Variants in KALRN observed in about 807,000 individuals in gnomAD.
KALRN encodes the protein kalirin RhoGEF kinase, also known as kalirin.
In KALRN, 70 loss-of-function variants were observed where a neutral mutation model predicts 353.7. That is an observed-to-expected ratio of 0.20 (90% CI 0.16 to 0.24). The LOEUF (loss-of-function observed/expected upper bound fraction) is 0.24. Ranked by LOEUF, KALRN falls within the 10% of genes least tolerant of loss-of-function variation. KALRN has a pLI of 1.00. For synonymous variants in KALRN, 1,391 were observed against 1,434.8 expected, an observed-to-expected ratio of 0.97 and a Z score of 0.69; for missense variants, 2,791 against 3,756.7, an observed-to-expected ratio of 0.74 and a Z score of 6.72.
At position 124,456,735 on chromosome 3, in the gene KALRN, G is replaced by C; in HGVS notation, c.3854+7G>C. 6.2e-7 allele frequency: 1 copy of C among 1,601,504 alleles called. No homozygotes were observed. On this transcript the variant is annotated splice_region_variant and intron_variant, in intron 23 of 59. Coordinates refer to ENST00000682506, the MANE Select transcript of KALRN (RefSeq NM_001388419.1). ...AGTCAGCCCGGAAGAAAGAGTACGT[G>C]TTGGCTTCCGCCCAGCTAGCTGGCT...
chr3:124,382,781 A>G (rs78463752), intron 10 of KALRN, among the ~76,000 whole-genome samples: 9 of 152,140 alleles, frequency 5.9e-5, no homozygotes, highest in African/African-American at 1.9e-4. Context: ...CCTCTCTCCC[A>G]TCAGCTGTGG....
intron 9 of KALRN, among the ~76,000 whole-genome samples, chr3:124,337,394 G>C (rs1159168302): frequency 6.6e-6 from 1 of 152,144 alleles, no homozygotes; most frequent in Non-Finnish European, 1.5e-5. Context: ...TGCCTCTATT[G>C]AGATATCATG....
intron 2 of KALRN, among the ~76,000 whole-genome samples, chr3:124,229,893 AAGGTAATG>A (rs1381248033): frequency 6.6e-6 from 1 of 152,268 alleles, no homozygotes; most frequent in Non-Finnish European, 1.5e-5. Context: ...TATATCTTAT[AAGGTAATG>A]AGCCCCCTGC....
At chr3:124,190,516 A>G (rs2150306411) in intron 1 of KALRN, among the ~76,000 whole-genome samples, 1 of 152,338 alleles carries the variant, frequency 6.6e-6, no homozygotes, top group South Asian at 2.1e-4. Context: ...ATGGTGGCAT[A>G]AACAACCACC....
At chr3:124,707,237 G>T (rs561703261) in intron 57 of KALRN, among the ~76,000 whole-genome samples, 2 of 152,192 alleles carry the variant, frequency 1.3e-5, no homozygotes, top group African/African-American at 4.8e-5. Flanking sequence ...CAGCTACTTG[G>T]GAAGCTGAGG....
intron 5 of KALRN, among the ~76,000 whole-genome samples, chr3:124,295,073 C>T (rs1324503409): frequency 6.6e-6 from 1 of 152,226 alleles, no homozygotes; most frequent in East Asian, 1.9e-4. Context: ...CAGCCAGTTC[C>T]ACTGAATGTA....
intron 3 of KALRN, among the ~76,000 whole-genome samples, chr3:124,245,208 T>C (rs931137329): frequency 2.0e-5 from 3 of 152,206 alleles, no homozygotes; most frequent in Admixed American, 2.0e-4. Context: ...TGTTTTTTTC[T>C]AGCTCCCACA....
intron 1 of KALRN, among the ~76,000 whole-genome samples, chr3:124,070,544 C>A (rs1485879585): frequency 6.6e-6 from 1 of 152,194 alleles, no homozygotes; most frequent in East Asian, 1.9e-4. Flanking sequence ...TCTCTGATCT[C>A]CCTGAACACA....
At chr3:124,247,987 A>G (rs2070570385) in intron 3 of KALRN, among the ~76,000 whole-genome samples, 3 of 152,246 alleles carry the variant, frequency 2.0e-5, no homozygotes, top group Admixed American at 1.3e-4. Flanking sequence ...AAAGTCCAGC[A>G]TTACCTAAAC....
intron 3 of KALRN, among the ~76,000 whole-genome samples, chr3:124,259,436 C>A (rs187270271): frequency 1.3e-5 from 2 of 152,334 alleles, no homozygotes; most frequent in Admixed American, 1.3e-4. Flanking sequence ...TCTCCTATGG[C>A]AGCTTAGACT....
chr3:124,463,896 C>T (rs2060086033), intron 25 of KALRN, among the ~76,000 whole-genome samples: 1 of 152,084 alleles, frequency 6.6e-6, no homozygotes, highest in Non-Finnish European at 1.5e-5. Context: ...ATTATTGAAG[C>T]AATACGCTCT....
chr3:124,659,150 A>C (rs1252517746), intron 42 of KALRN, among the ~76,000 whole-genome samples: 2 of 152,184 alleles, frequency 1.3e-5, no homozygotes, highest in Non-Finnish European at 2.9e-5. Flanking sequence ...CTGTAAAAGC[A>C]TGGGAGGAAG....
At chr3:124,649,793 AG>A (rs2083187387) in intron 37 of KALRN, among the ~76,000 whole-genome samples, 2 of 139,554 alleles carry the variant, frequency 1.4e-5, no homozygotes, top group African/African-American at 5.3e-5. Flanking sequence ...GTCTCAAAAT[AG>A]ATAGATAGAT....
At chr3:124,332,984 T>A (rs923399338) in intron 8 of KALRN, among the ~76,000 whole-genome samples, 1 of 152,102 alleles carries the variant, frequency 6.6e-6, no homozygotes, top group Non-Finnish European at 1.5e-5. Context: ...AAAAAGAGGT[T>A]TGATGCACTC....
intron 10 of KALRN, among the ~76,000 whole-genome samples, chr3:124,371,650 C>T (rs1471759882): frequency 6.6e-6 from 1 of 151,890 alleles, no homozygotes; most frequent in African/African-American, 2.4e-5. Flanking sequence ...AAATTTTTTA[C>T]TATGTTTAAA....
intron 13 of KALRN, among the ~76,000 whole-genome samples, chr3:124,399,264 G>A (rs373002000): frequency 4.6e-5 from 7 of 152,000 alleles, no homozygotes; most frequent in East Asian, 1.9e-4. Context: ...TCAGCCTCCC[G>A]AATAGCTGGG....
At chr3:124,587,090 AG>A (rs904007594) in intron 34 of KALRN, among the ~76,000 whole-genome samples, 1 of 152,196 alleles carries the variant, frequency 6.6e-6, no homozygotes, top group African/African-American at 2.4e-5. Context: ...AAAAGGGCTG[AG>A]GGGAGAGTCT....
chr3:124,459,414 C>T (rs1302134687), intron 23 of KALRN, among the ~76,000 whole-genome samples: 1 of 152,134 alleles, frequency 6.6e-6, no homozygotes, highest in African/African-American at 2.4e-5. Flanking sequence ...TGAATAGGGG[C>T]CAGAATTCAT....
intron 33 of KALRN, among the ~76,000 whole-genome samples, chr3:124,504,114 C>T (rs887653861): frequency 3.9e-5 from 6 of 152,156 alleles, no homozygotes; most frequent in African/African-American, 1.4e-4. Context: ...CAGGTTTATA[C>T]AAGTACTTGT....
Sources: allele counts gnomAD v4.1 joint callset (sites outside exome capture counted in the v4.1 genomes callset), GRCh38; gene constraint gnomAD v4.1.1; transcripts MANE v1.5; gene names NCBI Gene and HGNC (gene_info 2026-07-23, HGNC 2026-07-21).